Variants in PTPRD observed in about 807,000 individuals in gnomAD.
PTPRD encodes the protein protein tyrosine phosphatase receptor type D, also known as receptor-type tyrosine-protein phosphatase delta.
PTPRD carries 34 observed loss-of-function variants against 214.5 expected under a neutral mutation model. The observed-to-expected ratio is 0.16, with a 90% CI of 0.12 to 0.21. PTPRD has a LOEUF of 0.21. Among genes scored for constraint, PTPRD ranks in the 10% least tolerant of loss-of-function variants. The pLI, the probability that PTPRD is intolerant of heterozygous loss-of-function variation, is 1.00. For missense variants in PTPRD, 2,545 were observed against 2,398.7 expected, an observed-to-expected ratio of 1.06 and a Z score of -1.27; for synonymous variants, 1,128 against 845.7, an observed-to-expected ratio of 1.33 and a Z score of -5.79.
intron 39 of PTPRD, among the ~76,000 whole-genome samples, chr9:8,360,197 G>A (rs1475306325): frequency 6.6e-6 from 1 of 152,138 alleles, no homozygotes; most frequent in African/African-American, 2.4e-5. Context: ...TCCCGTCATA[G>A]CCAATAAAGT....
intron 8 of PTPRD, among the ~76,000 whole-genome samples, chr9:9,570,911 A>G (rs2086180801): frequency 6.6e-6 from 1 of 151,430 alleles, no homozygotes; most frequent in Non-Finnish European, 1.5e-5. Flanking sequence ...AAACCCCAAC[A>G]TTTCTTTATT....
intron 4 of PTPRD, among the ~76,000 whole-genome samples, chr9:9,961,331 T>C (rs2094350098): frequency 1.3e-5 from 2 of 152,152 alleles, no homozygotes; most frequent in Admixed American, 1.3e-4. Context: ...TGTTCCTTGT[T>C]TGAGAAACAA....
At chr9:10,305,321 C>T (rs1215371459) in intron 3 of PTPRD, among the ~76,000 whole-genome samples, 1 of 143,388 alleles carries the variant, frequency 7.0e-6, no homozygotes, top group Non-Finnish European at 1.5e-5. Context: ...AAAACCTAGG[C>T]AATACCATTC....
chr9:8,874,611 C>G (rs10759012), intron 11 of PTPRD, among the ~76,000 whole-genome samples: 1 of 151,976 alleles, frequency 6.6e-6, no homozygotes, highest in African/African-American at 2.4e-5. Context: ...CCTAATGACT[C>G]TTATCTCTTC....
intron 3 of PTPRD, among the ~76,000 whole-genome samples, chr9:10,098,100 C>T (rs962813426): frequency 6.6e-6 from 1 of 151,708 alleles, no homozygotes; most frequent in African/African-American, 2.4e-5. Flanking sequence ...ATCCAAATGT[C>T]CAACAATGAT....
At chr9:8,818,518 C>G (rs1025290804) in intron 11 of PTPRD, among the ~76,000 whole-genome samples, 1 of 152,136 alleles carries the variant, frequency 6.6e-6, no homozygotes, top group Admixed American at 6.5e-5. Context: ...TCAATTCTCA[C>G]AGTAATTAAG....
rs576042991 is a variant in PTPRD at position 10,377,289 on chromosome 9, T to TTTATTA, written c.-599-36278_-599-36273dup. On this transcript the variant is annotated intron_variant, in intron 2 of 45. Coordinates refer to ENST00000381196, the MANE Select transcript of PTPRD (RefSeq NM_002839.4). ...ATTATGTATAAGTACCACATTTTCTTTTATTATTATTATTATTATACTTTA... is the reference window on the plus strand; with the variant it reads ...ATTATGTATAAGTACCACATTTTCTTTTATTATTATTATTATTATTATTATACTTTA... 2.9e-4 allele frequency among the ~76,000 whole-genome samples: 44 copies of TTTATTA among 151,702 alleles called. 1 individual carries two copies. The highest frequency in any genetic ancestry group is 1.0e-3 in the African/African-American group (43 of 41,434).
At chr9:9,518,849 A>G (rs1245456782) in intron 8 of PTPRD, among the ~76,000 whole-genome samples, 1 of 152,038 alleles carries the variant, frequency 6.6e-6, no homozygotes, top group East Asian at 1.9e-4. Context: ...CTCTGCTTTT[A>G]TATGACGGCT....
In PTPRD at chr9:8,782,620, C is replaced by T. The variant is rs1294017048; in HGVS notation, c.-103-48674G>A. ...GCTTTTTTTTTTTTTTTTTTTGAGA[C>T]GGAGTCTCGCCCCGTTGCCCAGGCT... On this transcript the variant is annotated intron_variant, in intron 11 of 45. Coordinates refer to ENST00000381196, the MANE Select transcript of PTPRD (RefSeq NM_002839.4). 1.8e-4 allele frequency among the ~76,000 whole-genome samples: 24 copies of T among 131,200 alleles called. 1 individual carries two copies. The highest frequency in any genetic ancestry group is 5.0e-4 in the Admixed American group (6 of 11,950). 86.1% of individuals were successfully genotyped at this position (131,200 alleles called of 152,430 possible).
At chr9:10,062,759 G>A (rs1394579320) in intron 3 of PTPRD, among the ~76,000 whole-genome samples, 1 of 151,566 alleles carries the variant, frequency 6.6e-6, no homozygotes, top group Admixed American at 6.6e-5. Context: ...TTTTTCCCCT[G>A]AAAATCTATG....
chr9:10,485,825 G>A (rs182906509), intron 2 of PTPRD, among the ~76,000 whole-genome samples: 43 of 151,956 alleles, frequency 2.8e-4, no homozygotes, highest in Admixed American at 2.4e-3. Context: ...TTCACTTCTT[G>A]TTCCTGCATA....
chr9:10,534,174 T>C lies in PTPRD; in HGVS notation c.-600+78224A>G, dbSNP rs1479300808. Among the ~76,000 whole-genome samples the C allele has an allele frequency of 7.2e-5, 11 of 152,080 alleles. No individual in the cohort carries two copies. In the East Asian group the frequency reaches 2.1e-3, roughly 29 times the overall value. On this transcript the variant is annotated intron_variant, in intron 2 of 45. Transcript: ENST00000381196. ...TATCAGCATTGTAGTGTAATGTGAT[T>C]CAAAGATGGCAATACTCTCTCCATA...
chr9:9,680,242 C>T (rs550945374), intron 7 of PTPRD, among the ~76,000 whole-genome samples: 1 of 151,876 alleles, frequency 6.6e-6, no homozygotes, highest in East Asian at 1.9e-4. Context: ...TGGTAATCTA[C>T]AAGAAGATAA....
At chr9:9,207,294 G>A in intron 9 of PTPRD, among the ~76,000 whole-genome samples, 1 of 152,194 alleles carries the variant, frequency 6.6e-6, no homozygotes, top group East Asian at 1.9e-4. Flanking sequence ...CATGGAGACA[G>A]GGAGTAGATA....
chr9:8,323,254 A>C (rs1373632102), intron 44 of PTPRD, among the ~76,000 whole-genome samples: 1 of 152,174 alleles, frequency 6.6e-6, no homozygotes, highest in Non-Finnish European at 1.5e-5. Context: ...GCTCTGGTGG[A>C]ATGTACAAGG....
intron 11 of PTPRD, among the ~76,000 whole-genome samples, chr9:8,813,576 T>C (rs902778210): frequency 1.3e-5 from 2 of 152,102 alleles, no homozygotes; most frequent in African/African-American, 4.8e-5. Context: ...TCTTGCTTTG[T>C]TACCCACGCT....
intron 2 of PTPRD, among the ~76,000 whole-genome samples, chr9:10,566,676 T>TCTTA (rs1466638657): frequency 1.3e-5 from 2 of 152,012 alleles, no homozygotes; most frequent in Non-Finnish European, 1.5e-5. Flanking sequence ...GGACAGAAGT[T>TCTTA]CTTAGTTTTA....
intron 8 of PTPRD, among the ~76,000 whole-genome samples, chr9:9,465,808 T>C (rs1003493904): frequency 2.0e-5 from 3 of 152,084 alleles, no homozygotes; most frequent in Admixed American, 6.6e-5. Context: ...GGCGATTTGC[T>C]TCCATGGAAA....
At chr9:9,293,367 C>T (rs1256868648) in intron 9 of PTPRD, among the ~76,000 whole-genome samples, 1 of 149,412 alleles carries the variant, frequency 6.7e-6, no homozygotes, top group Non-Finnish European at 1.5e-5. Context: ...CTTTTACATA[C>T]TCCCATCATT....
Sources: allele counts gnomAD v4.1 joint callset (sites outside exome capture counted in the v4.1 genomes callset), GRCh38; gene constraint gnomAD v4.1.1; transcripts MANE v1.5; gene names NCBI Gene and HGNC (gene_info 2026-07-23, HGNC 2026-07-21).